Variants in AKR1E2 observed in about 807,000 individuals in gnomAD.
The protein encoded by AKR1E2 is 1,5-anhydro-D-fructose reductase.
Under a neutral mutation model 41.9 loss-of-function variants are expected in AKR1E2, and 43 were observed. The observed-to-expected ratio is 1.03, with a 90% confidence interval of 0.80 to 1.32. The LOEUF is 1.32. Among genes scored for constraint, AKR1E2 ranks in the 40% most tolerant of loss-of-function variants. The probability of loss-of-function intolerance (pLI) is 0.00; values close to 1 mark genes in which losing one functional copy is unlikely to be tolerated. For missense variants in AKR1E2, 423 were observed against 396.5 expected (o/e 1.07, Z -0.57); for synonymous variants, 121 against 138.9 (o/e 0.87, Z 0.91).
At chr10:4,837,721 G>T (rs1833546513) in intron 5 of AKR1E2, 140 bp downstream of exon 5, 2 of 1,346,742 alleles carry the variant, frequency 1.5e-6, no homozygotes, top group South Asian at 3.0e-5. Flanking sequence ...TCAGAATGGT[G>T]ATTAAAGGCA....
At chr10:4,834,382 G>C (rs113007642) in intron 3 of AKR1E2, among the ~76,000 whole-genome samples, 1 of 152,194 alleles carries the variant, frequency 6.6e-6, no homozygotes, top group Non-Finnish European at 1.5e-5. Context: ...GCAGCTGTCC[G>C]TTAGTGACAC....
the AKR1E2 span, among the ~76,000 whole-genome samples, chr10:4,869,619 AT>A: frequency 1.3e-5 from 2 of 151,660 alleles, no homozygotes; most frequent in African/African-American, 4.8e-5. Context: ...TAGATAGTTG[AT>A]TTAAGACTTT....
the AKR1E2 span, among the ~76,000 whole-genome samples, chr10:4,862,388 G>C: frequency 6.6e-6 from 1 of 152,054 alleles, no homozygotes; most frequent in South Asian, 2.1e-4. Context: ...TTGTTCTTTT[G>C]GCTTAGGATT....
At chr10:4,827,467 C>T (rs1832633327) in intron 1 of AKR1E2, among the ~76,000 whole-genome samples, 1 of 141,778 alleles carries the variant, frequency 7.1e-6, no homozygotes, top group South Asian at 2.2e-4. Flanking sequence ...TCCCCATTCC[C>T]TCCTTCCTCA....
At position 4,839,713 on chromosome 10, in the gene AKR1E2, T is replaced by C; in HGVS notation, c.583-16T>C. The stretch of plus-strand genomic sequence containing the variant: ...CTAGTGGTCTGAATTTTATGTAAGC[T>C]ATGATTCTGTTATAGATTGAGTGCC... On this transcript the variant is annotated splice_polypyrimidine_tract_variant and intron_variant, in intron 5 of 9. Coordinates refer to ENST00000298375, the MANE Select transcript of AKR1E2 (RefSeq NM_001040177.3). 6.2e-7 allele frequency: 1 copy of C among 1,607,580 alleles called. No individual in the cohort carries two copies. Among genetic ancestry groups the C allele is most frequent in the Non-Finnish European group, 8.5e-7 (1 of 1,174,062 alleles).
intron 8 of AKR1E2, among the ~76,000 whole-genome samples, chr10:4,843,871 A>C (rs1040353885): frequency 1.3e-5 from 2 of 152,170 alleles, no homozygotes; most frequent in Non-Finnish European, 2.9e-5. Flanking sequence ...AATGGCCCAG[A>C]GCAGCTCTGG....
chr10:4,827,315 G>A (rs566430500), intron 1 of AKR1E2, among the ~76,000 whole-genome samples: 2 of 151,632 alleles, frequency 1.3e-5, no homozygotes, highest in Admixed American at 6.6e-5. Flanking sequence ...TATTGTTTGT[G>A]GTAAGATGTT....
chr10:4,825,343 A>G (rs1390462454), upstream of AKR1E2, among the ~76,000 whole-genome samples: 1 of 152,178 alleles, frequency 6.6e-6, no homozygotes, highest in Non-Finnish European at 1.5e-5. Flanking sequence ...GAGGGGGGCA[A>G]TGAAGGGGGA....
At chr10:4,842,732 G>C (rs539997937) in intron 8 of AKR1E2, among the ~76,000 whole-genome samples, 58 of 152,280 alleles carry the variant, frequency 3.8e-4, no homozygotes, top group African/African-American at 1.4e-3. Flanking sequence ...TCTCCATCCA[G>C]CCCAAGATTA....
At chr10:4,826,557 G>T (rs755262036) in intron 1 of AKR1E2, among the ~76,000 whole-genome samples, 194 bp downstream of exon 1, 12 of 152,196 alleles carry the variant, frequency 7.9e-5, no homozygotes, top group Non-Finnish European at 1.8e-4. Context: ...TCCTAAAACG[G>T]AGTCGGTGCT....
chr10:4,825,932 G>T (rs995894478), upstream of AKR1E2, among the ~76,000 whole-genome samples: 1 of 152,210 alleles, frequency 6.6e-6, no homozygotes, highest in Non-Finnish European at 1.5e-5. Context: ...CTAAGGTGGG[G>T]GCGTGAGCGG....
At chr10:4,852,742 G>T (rs1186046210), downstream of AKR1E2, among the ~76,000 whole-genome samples, 1 of 152,130 alleles carries the variant, frequency 6.6e-6, no homozygotes, top group Non-Finnish European at 1.5e-5. Flanking sequence ...TTATTTTGTT[G>T]TTTTTGTTCT....
At chr10:4,846,114 G>A (rs915900994) in intron 8 of AKR1E2, 7 of 308,756 alleles carry the variant, frequency 2.3e-5, no homozygotes, top group South Asian at 2.7e-5. Context: ...CCAAGAATCC[G>A]CCTACCCCGG....
intron 8 of AKR1E2, among the ~76,000 whole-genome samples, chr10:4,845,162 C>T (rs1243816297): frequency 6.6e-6 from 1 of 152,244 alleles, no homozygotes; most frequent in Non-Finnish European, 1.5e-5. Flanking sequence ...GGCCCGAGTG[C>T]TAAGCCCCTC....
the AKR1E2 span, among the ~76,000 whole-genome samples, chr10:4,855,215 A>G: frequency 6.6e-6 from 1 of 152,192 alleles, no homozygotes; most frequent in Non-Finnish European, 1.5e-5. Flanking sequence ...ATGAATGGTA[A>G]AAATAACTGT....
intron 1 of AKR1E2, among the ~76,000 whole-genome samples, chr10:4,829,473 G>A (rs7924202): frequency 0.1 from 15,654 of 152,160 alleles, 903 homozygotes; most frequent in Middle Eastern, 0.14. Flanking sequence ...TTGATTCAGG[G>A]TTATGCTAGT....
upstream of AKR1E2, among the ~76,000 whole-genome samples, chr10:4,825,528 G>A (rs1223695189): frequency 6.6e-6 from 1 of 152,138 alleles, no homozygotes; most frequent in Non-Finnish European, 1.5e-5. Context: ...CTACATGCAG[G>A]GCTCGGCCTC....
chr10:4,858,758 T>C, the AKR1E2 span, among the ~76,000 whole-genome samples: 4 of 151,480 alleles, frequency 2.6e-5, no homozygotes, highest in Admixed American at 6.6e-5. Flanking sequence ...AGATGAGTGG[T>C]GGAAGATGAG....
chr10:4,845,096 C>G (rs1042055792), intron 8 of AKR1E2, among the ~76,000 whole-genome samples: 1 of 152,168 alleles, frequency 6.6e-6, no homozygotes, highest in Non-Finnish European at 1.5e-5. Flanking sequence ...AGAAATGGAG[C>G]GCAGCGCCGG....
Sources: allele counts gnomAD v4.1 joint callset (sites outside exome capture counted in the v4.1 genomes callset), GRCh38; gene constraint gnomAD v4.1.1; transcripts MANE v1.5; gene names NCBI Gene and HGNC (gene_info 2026-07-23, HGNC 2026-07-21).